GTSE1: variants seen among roughly 807,000 people sequenced by gnomAD.
GTSE1 encodes the protein G2 and S-phase expressed 1.
GTSE1 carries 52 observed loss-of-function variants against 60.5 expected under a neutral mutation model. That is an observed-to-expected ratio of 0.86 (90% CI 0.69 to 1.08). GTSE1 has a LOEUF of 1.08. GTSE1 is among the 50% of genes least tolerant of loss of function. The pLI is 0.00. For synonymous variants in GTSE1, 368 were observed against 386.5 expected, an observed-to-expected ratio of 0.95 and a Z score of 0.56; for missense variants, 937 against 961.8, an observed-to-expected ratio of 0.97 and a Z score of 0.34.
In GTSE1 at chr22:46,329,361, CT is replaced by C; in HGVS notation, c.1932del (p.Val646Ter). 1.2e-6 allele frequency: 2 copies of C among 1,613,186 alleles called. No individual in the cohort carries two copies. Among genetic ancestry groups the C allele is most frequent in the South Asian group, 2.2e-5 (2 of 90,986 alleles). Reference protein sequence around the residue: ...PGGDAAPSEALLVDIKLEPLA... With the variant: ...PGGDAAPSEAXLVDIKLEPLA... ...TTAACCTTGGTTTTGTACCCAGGCT[CT>C]TCTTGTAGATATCAAACTGGAACCA... On this transcript the variant is annotated frameshift_variant, in exon 11 of 12. Transcript: ENST00000454366. LOFTEE classifies it high-confidence loss of function. This position sits in a 1 kb window ranked among gnomAD's most constrained non-coding sequence, Gnocchi z 6.4.
chr22:46,319,854 C>T lies in GTSE1; in HGVS notation c.1433-3336C>T, dbSNP rs767658081. Among the ~76,000 whole-genome samples the T allele has an allele frequency of 2.1e-4, 32 of 151,886 alleles. No homozygotes were observed. The highest frequency in any genetic ancestry group is 4.1e-4 in the Non-Finnish European group (28 of 67,956). On this transcript the variant is annotated intron_variant, in intron 7 of 11. Transcript: ENST00000454366. The surrounding 1 kb of genome is among the most constrained non-coding windows in gnomAD (Gnocchi z 5.0). ...TAGAAAAATTAGCCAGGCATGGTGG[C>T]GCATGCCTGTAATCCCAGCTACTTG... is the stretch of plus-strand genomic sequence containing the variant.
In GTSE1 at chr22:46,299,800, C is replaced by CT. The variant is rs936451341; in HGVS notation, c.79+2333dup. Among the ~76,000 whole-genome samples, 518 of 145,122 alleles carry CT rather than the reference C, an allele frequency of 3.6e-3. 2 individuals carry two copies. The highest frequency in any genetic ancestry group is 0.011 in the African/African-American group (420 of 39,972). On this transcript the variant is annotated intron_variant, in intron 2 of 11. Coordinates refer to ENST00000454366, the MANE Select transcript of GTSE1 (RefSeq NM_016426.7). ...CTCTTTTCTTTTCTTTTTTCTTTTTCTTTTTTTTTTTTGAGACAGAGTCTC... is the reference window on the plus strand; with the variant it reads ...CTCTTTTCTTTTCTTTTTTCTTTTTCTTTTTTTTTTTTTGAGACAGAGTCTC...
Position 46,321,730 on chromosome 22 carries a change from C to A in GTSE1, c.1433-1460C>A, listed in dbSNP as rs1235989998. ...ACTTGTTTGTCTCATAAAATTTTAA[C>A]CTTCATTTTTAAAAACTGTGCATGA... On this transcript the variant is annotated intron_variant, in intron 7 of 11. Transcript: ENST00000454366. The surrounding 1 kb of genome is among the most constrained non-coding windows in gnomAD (Gnocchi z 4.0). 6.6e-6 allele frequency among the ~76,000 whole-genome samples: 1 copy of A among 152,164 alleles called. No individual in the cohort carries two copies. The highest frequency in any genetic ancestry group is 1.5e-5 in the Non-Finnish European group (1 of 68,036).
intron 2 of GTSE1, among the ~76,000 whole-genome samples, chr22:46,300,543 T>C (rs1294609328): frequency 6.6e-6 from 1 of 152,250 alleles, no homozygotes; most frequent in African/African-American, 2.4e-5. Flanking sequence ...GACCCGTTCC[T>C]CTCACACACG....
Position 46,328,714 on chromosome 22 carries a change from G to T in GTSE1, c.1751G>T (p.Arg584Ile). Residue 584 changes from arginine (R) to isoleucine (I), a missense_variant, in exon 10 of 12, where the codon AGA becomes ATA. Arg to Ile is a moderately conservative substitution (Grantham distance 97). Coordinates refer to ENST00000454366, the MANE Select transcript of GTSE1 (RefSeq NM_016426.7). ...MRTEPTRESN[R>I]KTDSRLVDVS... is the part of the protein sequence containing the mutation. ...ACTGAACCAACAAGGGAGAGCAACA[G>T]AAAGACAGATTCCAGGCTGGTGGAT... is the stretch of plus-strand genomic sequence containing the variant. The T allele has an allele frequency of 6.2e-7, 1 of 1,613,998 alleles. No individual in the cohort carries two copies. Among genetic ancestry groups the T allele is most frequent in the Non-Finnish European group, 8.5e-7 (1 of 1,179,826 alleles).
rs8136416 is a variant in GTSE1, at chr22:46,307,699, C to T, written c.80-451C>T. 6.0e-3 allele frequency among the ~76,000 whole-genome samples: 911 copies of T among 152,210 alleles called. 12 individuals carry two copies. Among genetic ancestry groups the T allele is most frequent in the African/African-American group, 0.021 (868 of 41,528 alleles). Reference sequence around the variant, plus strand: ...TGTATTTTTAGTAGAGACGGGGTTTCACCATGTTGACTAGGCTGGTCTTGA... The same window carrying T: ...TGTATTTTTAGTAGAGACGGGGTTTTACCATGTTGACTAGGCTGGTCTTGA... On this transcript the variant is annotated intron_variant, in intron 2 of 11. Transcript: ENST00000454366.
chr22:46,323,814 A>G (rs1163292578), intron 8 of GTSE1, among the ~76,000 whole-genome samples: 2 of 151,914 alleles, frequency 1.3e-5, no homozygotes, highest in African/African-American at 2.4e-5. Flanking sequence ...CAGCCTCCCT[A>G]GTAGCTGGGA....
rs2077782915 is a variant in GTSE1, at chr22:46,316,662, T to C, written c.1432+250T>C. ...TAGGCTGCTTGTAAGGTTTTCTCTTTAGTGTTACTGTCGGGAATTTGATTA... is the reference window on the plus strand; with the variant it reads ...TAGGCTGCTTGTAAGGTTTTCTCTTCAGTGTTACTGTCGGGAATTTGATTA... On this transcript the variant is annotated intron_variant, in intron 7 of 11. Transcript: ENST00000454366. This position sits in a 1 kb window ranked among gnomAD's most constrained non-coding sequence, Gnocchi z 5.0. Among the ~76,000 whole-genome samples the C allele has an allele frequency of 6.6e-6, 1 of 152,162 alleles. No homozygotes were observed. Among genetic ancestry groups the C allele is most frequent in the African/African-American group, 2.4e-5 (1 of 41,432 alleles).
rs2077778463 is a variant in GTSE1, at chr22:46,316,157, T to A, written c.1177T>A (p.Ser393Thr). The change falls in exon 7 of 12, where the codon TCC becomes ACC. Residue 393 changes from serine to threonine, a missense_variant. Transcript: ENST00000454366. The surrounding 1 kb of genome is among the most constrained non-coding windows in gnomAD (Gnocchi z 5.0). ...TCTGCCTGCAGGCCCTGTGGGGGCATCCTCCTGGCAGGCCAAGCGGGTCGA... is the reference window on the plus strand; with the variant it reads ...TCTGCCTGCAGGCCCTGTGGGGGCAACCTCCTGGCAGGCCAAGCGGGTCGA... The part of the protein sequence containing the change: ...PALPAGPVGA[S>T]SWQAKRVDVS... 2 of 1,612,194 alleles carry A rather than the reference T, an allele frequency of 1.2e-6. No individual in the cohort carries two copies. Among genetic ancestry groups the A allele is most frequent in the African/African-American group, 2.7e-5 (2 of 75,014 alleles).
chr22:46,301,995 G>C, intron 2 of GTSE1, among the ~76,000 whole-genome samples: 1 of 152,156 alleles, frequency 6.6e-6, no homozygotes, highest in South Asian at 2.1e-4. Context: ...AGACATGCTG[G>C]TTCATACTGA....
rs529733250 is a variant in GTSE1 at position 46,322,193 on chromosome 22, C to T, written c.1433-997C>T. On this transcript the variant is annotated intron_variant, in intron 7 of 11. Coordinates refer to ENST00000454366, the MANE Select transcript of GTSE1 (RefSeq NM_016426.7). ...CGTGGGACAGGAGCTTGGGTGCAGG[C>T]GCAGGAGGGCGGGCATAGGCTTGTT... Among the ~76,000 whole-genome samples the T allele has an allele frequency of 4.6e-5, 7 of 151,562 alleles. No individual in the cohort carries two copies. The South Asian group carries it at 8.3e-4, about 18-fold the overall frequency.
At chr22:46,299,949 C>T (rs1272222708) in intron 2 of GTSE1, among the ~76,000 whole-genome samples, 5 of 146,522 alleles carry the variant, frequency 3.4e-5, no homozygotes, top group South Asian at 2.2e-4. Context: ...CCCGCCACCA[C>T]GCCCAGCTAA....
chr22:46,326,894 A>C, intron 9 of GTSE1: 1 of 402,118 alleles, frequency 2.5e-6, no homozygotes, highest in Middle Eastern at 6.5e-4. Flanking sequence ...TGAAAACCTA[A>C]TGGTTTTCTA....
chr22:46,309,701 T>C lies in GTSE1; in HGVS notation c.762+758T>C, dbSNP rs1317391491. ...TCCTGAGCCACATGACTCCCTGTGG[T>C]GAGAGCCAAGGATGGAAGGCAGCCG... On this transcript the variant is annotated intron_variant, in intron 4 of 11. Coordinates refer to ENST00000454366, the MANE Select transcript of GTSE1 (RefSeq NM_016426.7). This position sits in a 1 kb window ranked among gnomAD's most constrained non-coding sequence, Gnocchi z 6.2. Among the ~76,000 whole-genome samples the C allele has an allele frequency of 6.6e-6, 1 of 152,016 alleles. No individual in the cohort carries two copies. Among genetic ancestry groups the C allele is most frequent in the Non-Finnish European group, 1.5e-5 (1 of 67,998 alleles).
intron 9 of GTSE1, among the ~76,000 whole-genome samples, chr22:46,327,753 T>C (rs2077852400): frequency 6.6e-6 from 1 of 152,264 alleles, no homozygotes; most frequent in South Asian, 2.1e-4. Context: ...ATATCTTATA[T>C]GTTTCTGTGT....
At chr22:46,312,799 A>G (rs1232874239) in intron 5 of GTSE1, among the ~76,000 whole-genome samples, 2 of 152,076 alleles carry the variant, frequency 1.3e-5, no homozygotes, top group East Asian at 1.9e-4. Flanking sequence ...TCGGAGCCCC[A>G]GTTTGTAGGT....
In GTSE1 at chr22:46,318,787, G is replaced by A. The variant is rs947382501; in HGVS notation, c.1432+2375G>A. Among the ~76,000 whole-genome samples the A allele has an allele frequency of 2.0e-5, 3 of 152,152 alleles. No homozygotes were observed. The highest frequency in any genetic ancestry group is 6.5e-5 in the Admixed American group (1 of 15,268). On this transcript the variant is annotated intron_variant, in intron 7 of 11. Transcript: ENST00000454366. The surrounding 1 kb of genome is among the most constrained non-coding windows in gnomAD (Gnocchi z 4.8). ...GCAGCCGCTGCGGTCGGGATTCTGC[G>A]TAGACGTGCGACAGCTGGTCAGTAC... is the stretch of plus-strand genomic sequence containing the variant.
At chr22:46,307,052 G>A (rs2077719284) in intron 2 of GTSE1, among the ~76,000 whole-genome samples, 1 of 152,150 alleles carries the variant, frequency 6.6e-6, no homozygotes, top group African/African-American at 2.4e-5. Flanking sequence ...GGAGCCTTGC[G>A]GGGAGCTGGA....
chr22:46,304,081 C>T lies in GTSE1; in HGVS notation c.80-4069C>T, dbSNP rs2077703735. 6.6e-6 allele frequency among the ~76,000 whole-genome samples: 1 copy of T among 152,126 alleles called. No individual in the cohort carries two copies. The highest frequency in any genetic ancestry group is 1.5e-5 in the Non-Finnish European group (1 of 68,034). ...GGAGTGCAGTGGCTTGATCATAGCT[C>T]ACTGCAGCCGCAAGCTCCTGGGCTC... On this transcript the variant is annotated intron_variant, in intron 2 of 11. Transcript: ENST00000454366. This position sits in a 1 kb window ranked among gnomAD's most constrained non-coding sequence, Gnocchi z 4.4.
Sources: allele counts gnomAD v4.1 joint callset (sites outside exome capture counted in the v4.1 genomes callset), GRCh38; gene constraint gnomAD v4.1.1; non-coding constraint Gnocchi (gnomAD v3.1); transcripts MANE v1.5; gene names NCBI Gene and HGNC (gene_info 2026-07-23, HGNC 2026-07-21).